The following MYO10 variants were observed in gnomAD, a reference collection of about 807,000 sequenced individuals.
MYO10 encodes myosin X.
MYO10 carries 133 observed loss-of-function variants against 257.3 expected under a neutral mutation model. That is an observed-to-expected ratio of 0.52 (90% CI 0.45 to 0.60). The LOEUF is 0.60. Ranked by LOEUF, MYO10 falls within the 20% of genes least tolerant of loss-of-function variation. The pLI, the probability that MYO10 is intolerant of heterozygous loss-of-function variation, is 0.00. For synonymous variants in MYO10, 1,104 were observed against 1,028.6 expected (o/e 1.07, Z -1.40); for missense variants, 2,399 against 2,635.7 (o/e 0.91, Z 1.97).
chr5:16,702,632 TG>T (rs1401782271), intron 23 of MYO10, 44 bp from the exon 24 acceptor site: 2 of 1,528,260 alleles, frequency 1.3e-6, no homozygotes, highest in East Asian at 4.9e-5. Flanking sequence ...ACAATAACCC[TG>T]GAACCACTTT....
At chr5:16,779,139 C>G (rs1741325252) in intron 9 of MYO10, among the ~76,000 whole-genome samples, 1 of 152,186 alleles carries the variant, frequency 6.6e-6, no homozygotes, top group African/African-American at 2.4e-5. Context: ...CAATGGCTGG[C>G]AGATTTGTTA....
intron 26 of MYO10, 134 bp downstream of exon 26, chr5:16,699,316 C>A: frequency 5.8e-6 from 7 of 1,208,624 alleles, no homozygotes; most frequent in Non-Finnish European, 7.9e-6. Flanking sequence ...GTAGGTAGAA[C>A]GACTTTCCCA....
chr5:16,791,563 T>TACACACACAC (rs58464460), intron 4 of MYO10, among the ~76,000 whole-genome samples: 32 of 151,100 alleles, frequency 2.1e-4, no homozygotes, highest in African/African-American at 6.1e-4. Context: ...CACACACACA[T>TACACACACAC]ACACATATGC....
intron 1 of MYO10, among the ~76,000 whole-genome samples, chr5:16,883,663 A>T (rs974605271): frequency 1.3e-5 from 2 of 152,208 alleles, no homozygotes; most frequent in African/African-American, 4.8e-5. Context: ...CAAGGCCTAA[A>T]ATATTGACAC....
chr5:16,744,736 A>G (rs1740134848), intron 19 of MYO10, among the ~76,000 whole-genome samples: 1 of 152,142 alleles, frequency 6.6e-6, no homozygotes, highest in Non-Finnish European at 1.5e-5. Context: ...GAAAATAAAA[A>G]CAAACAACAT....
intron 3 of MYO10, among the ~76,000 whole-genome samples, chr5:16,816,633 C>G (rs1489407750): frequency 7.3e-5 from 11 of 151,204 alleles, no homozygotes; most frequent in African/African-American, 1.9e-4. Flanking sequence ...CAGGTTCAAG[C>G]GATTCTCCTG....
chr5:16,681,405 T>A lies in MYO10; in HGVS notation c.4288A>T (p.Lys1430Ter). The A allele has an allele frequency of 6.2e-7, 1 of 1,614,008 alleles. No homozygotes were observed. The change falls in exon 32 of 41, where the codon AAG (lysine) becomes TAG (stop). Residue 1430 changes from lysine (K) to a stop codon, truncating the protein, a stop_gained. Coordinates refer to ENST00000513610, the MANE Select transcript of MYO10 (RefSeq NM_012334.3). LOFTEE classifies it high-confidence loss of function. ...TTGAGCGCGTTCTTCTCTGAACTCT[T>A]GTAGTAATCCAGGGAATTGTGGGTG... is the stretch of plus-strand genomic sequence containing the variant. ...VLTHNSLDYY[K>*]SSEKNALKLG...
In MYO10 at chr5:16,935,950, G is replaced by A. The variant is rs1202613665; in HGVS notation, c.-142C>T. ...CGGGGCTCCCCTGCTGCCATCGCCC[G>A]GTCCCTTCTTGTCCTTCTCACCTTT... On this transcript the variant is annotated 5_prime_UTR_variant, in exon 1 of 41. Coordinates refer to ENST00000513610, the MANE Select transcript of MYO10 (RefSeq NM_012334.3). The A allele has an allele frequency of 2.0e-6, 2 of 993,676 alleles. No individual in the cohort carries two copies. Among genetic ancestry groups the A allele is most frequent in the Non-Finnish European group, 3.0e-6 (2 of 656,330 alleles). 61.6% of individuals were successfully genotyped at this position (993,676 alleles called of 1,614,324 possible).
chr5:16,893,002 T>C (rs1395056523), intron 1 of MYO10, among the ~76,000 whole-genome samples: 1 of 151,928 alleles, frequency 6.6e-6, no homozygotes, highest in Non-Finnish European at 1.5e-5. Flanking sequence ...AAGACCATCC[T>C]GGCTAACACG....
chr5:16,818,364 G>C (rs1028721631), intron 2 of MYO10, among the ~76,000 whole-genome samples, 197 bp from the exon 3 acceptor site: 1 of 31,878 alleles, frequency 3.1e-5, no homozygotes, highest in African/African-American at 9.8e-5. Flanking sequence ...GTGTATGTAT[G>C]TGTGTGTGTG....
At position 16,766,083 on chromosome 5, in the gene MYO10, T is replaced by C. The variant is rs531280522; in HGVS notation, c.1176A>G (p.Gln392=). ...TCAGATGGCAAAGCGTGTGTACCTG[T>C]TGAACATTGAGAGGCGTGAGGATCT... ...GEEILTPLNV[Q]QAVDSRDSLA... is the part of the protein sequence containing the mutation. The change falls in exon 11 of 41, where the codon CAA becomes CAG. Residue 392 remains glutamine (Q), a synonymous_variant. Transcript: ENST00000513610. 5.9e-5 allele frequency: 95 copies of C among 1,603,076 alleles called. No individual in the cohort carries two copies. The East Asian group carries it at 1.9e-3, about 33-fold the overall frequency.
chr5:16,702,619 A>G, intron 23 of MYO10, 31 bp from the exon 24 acceptor site: 1 of 1,554,504 alleles, frequency 6.4e-7, no homozygotes, highest in Non-Finnish European at 8.7e-7. Context: ...GTGAAAATCA[A>G]CAACAATAAC....
intron 5 of MYO10, among the ~76,000 whole-genome samples, chr5:16,782,617 C>G (rs1741455875): frequency 6.6e-6 from 1 of 151,620 alleles, no homozygotes; most frequent in Non-Finnish European, 1.5e-5. Flanking sequence ...TGCTAAAAAA[C>G]AAAAAACAAA....
intron 2 of MYO10, among the ~76,000 whole-genome samples, chr5:16,832,843 T>C (rs1743199860): frequency 6.6e-6 from 1 of 152,196 alleles, no homozygotes; most frequent in Admixed American, 6.5e-5. Flanking sequence ...GGCTACTTCC[T>C]TACCCCTTCC....
intron 2 of MYO10, among the ~76,000 whole-genome samples, chr5:16,826,002 G>T (rs1580044990): frequency 6.6e-6 from 1 of 152,024 alleles, no homozygotes. Flanking sequence ...ACAATAATTA[G>T]CCGGGCATGG....
At chr5:16,780,487 T>C (rs766521096) in intron 8 of MYO10, 37 bp downstream of exon 8, 22 of 1,481,952 alleles carry the variant, frequency 1.5e-5, no homozygotes, top group Non-Finnish European at 1.0e-5. Flanking sequence ...GGAAAATGAG[T>C]TGCTAGTCCA....
At chr5:16,698,838 T>A (rs1400385398) in intron 26 of MYO10, among the ~76,000 whole-genome samples, 1 of 144,240 alleles carries the variant, frequency 6.9e-6, no homozygotes, top group African/African-American at 2.9e-5. Flanking sequence ...TTAGCCAGGA[T>A]GGTCTCGATC....
intron 1 of MYO10, among the ~76,000 whole-genome samples, chr5:16,930,248 G>A (rs1312420807): frequency 6.6e-6 from 1 of 152,134 alleles, no homozygotes; most frequent in Non-Finnish European, 1.5e-5. Flanking sequence ...TTTCAAAAAG[G>A]AGCCAGACAG....
intron 1 of MYO10, among the ~76,000 whole-genome samples, chr5:16,887,305 C>T (rs17651616): frequency 0.13 from 19,261 of 152,194 alleles, 2,153 homozygotes; most frequent in African/African-American, 0.28. Flanking sequence ...ATACACTAAT[C>T]TTTGGTCAAT....
Sources: gnomAD v4.1 joint callset for allele counts (sites outside exome capture counted in the v4.1 genomes callset) on GRCh38, gnomAD v4.1.1 for gene constraint, MANE v1.5 for transcripts, NCBI Gene and HGNC (gene_info 2026-07-23, HGNC 2026-07-21) for gene names.